ZMYND11: variants seen among roughly 807,000 people sequenced by gnomAD.
The protein encoded by ZMYND11 is zinc finger MYND-type containing 11, also known as zinc finger MYND domain-containing protein 11.
In ZMYND11, 9 loss-of-function variants were observed where a neutral mutation model predicts 84.9. That is an observed-to-expected ratio of 0.11 (90% confidence interval 0.06 to 0.18). The LOEUF (loss-of-function observed/expected upper bound fraction) is 0.18. ZMYND11 is among the 10% of genes least tolerant of loss of function. The pLI, the probability that ZMYND11 is intolerant of heterozygous loss-of-function variation, is 1.00. For synonymous variants in ZMYND11, 250 were observed against 244.1 expected (o/e 1.02, Z -0.23); for missense variants, 409 against 761.0 (o/e 0.54, Z 5.44).
intron 2 of ZMYND11, among the ~76,000 whole-genome samples, chr10:190,243 C>T (rs1366463105): frequency 6.6e-6 from 1 of 152,138 alleles, no homozygotes; most frequent in Non-Finnish European, 1.5e-5. Context: ...CTTTGCTAGT[C>T]TCTGTTTCTT....
intron 1 of ZMYND11, among the ~76,000 whole-genome samples, chr10:156,761 T>A (rs1841810658): frequency 6.6e-6 from 1 of 152,208 alleles, no homozygotes; most frequent in Non-Finnish European, 1.5e-5. Flanking sequence ...TCAGGTTGTT[T>A]GGTCTGAGTT....
upstream of ZMYND11, among the ~76,000 whole-genome samples, chr10:131,774 C>T (rs554735837): frequency 2.0e-5 from 3 of 152,138 alleles, no homozygotes; most frequent in African/African-American, 4.8e-5. Flanking sequence ...GTGTACCTCC[C>T]GCCTTGGCCT....
chr10:177,534 C>G (rs1178723166), intron 1 of ZMYND11, among the ~76,000 whole-genome samples: 1 of 152,108 alleles, frequency 6.6e-6, no homozygotes, highest in African/African-American at 2.4e-5. Context: ...TGTGACATCA[C>G]TTTTAGAGTT....
chr10:230,262 C>T (rs1301081905), intron 4 of ZMYND11, among the ~76,000 whole-genome samples: 1 of 151,998 alleles, frequency 6.6e-6, no homozygotes, highest in Non-Finnish European at 1.5e-5. Flanking sequence ...ATCATGAGGT[C>T]AGGAGTTCAA....
rs11348115 is a variant in ZMYND11, at chr10:144,640, CTTTTTTTTTTTTT to C, written c.-20+9092_-20+9104del. The stretch of plus-strand genomic sequence containing the variant: ...TATGGCTGGCTGAGCGTCTGAATTC[CTTTTTTTTTTTTT>C]TTTTTTTTTTAACAAAAACATTAAA... On this transcript the variant is annotated intron_variant, in intron 1 of 14. Coordinates refer to ENST00000381604, the MANE Select transcript of ZMYND11 (RefSeq NM_001370100.5). Among the ~76,000 whole-genome samples the C allele has an allele frequency of 2.7e-3, 298 of 110,038 alleles. 1 individual carries two copies. The highest frequency in any genetic ancestry group is 3.5e-3 in the Non-Finnish European group (193 of 55,486). The allele number at this position is 110,038 out of a possible 152,430, so 72.2% of individuals were successfully genotyped here. A position where few individuals can be genotyped will look rare whatever the true frequency, so the allele number is the denominator to read the frequency against.
rs532795603 is a variant in ZMYND11 at position 236,708 on chromosome 10, T to C, written c.439-130T>C. On this transcript the variant is annotated intron_variant, in intron 4 of 14. Coordinates refer to ENST00000381604, the MANE Select transcript of ZMYND11 (RefSeq NM_001370100.5). ...AAATGTCAAAGATTTCTGTCAGATA[T>C]GTTGGAAAAAGAGCACTTTTAGTAA... is the stretch of plus-strand genomic sequence containing the variant. 1.7e-5 allele frequency: 12 copies of C among 699,650 alleles called. No individual in the cohort carries two copies. In the South Asian group the frequency reaches 1.8e-4, roughly 11 times the overall value. The allele number at this position is 699,650 out of a possible 1,614,324, so 43.3% of individuals were successfully genotyped here.
intron 1 of ZMYND11, among the ~76,000 whole-genome samples, chr10:169,720 C>G (rs527554213): frequency 1.3e-5 from 2 of 152,116 alleles, no homozygotes; most frequent in South Asian, 4.1e-4. Context: ...CATATGACAA[C>G]TAGAAATCTT....
chr10:132,880 C>T (rs1377506203), upstream of ZMYND11, among the ~76,000 whole-genome samples: 3 of 152,096 alleles, frequency 2.0e-5, no homozygotes, highest in Non-Finnish European at 4.4e-5. Context: ...CAGTGGCACC[C>T]GCTTTGAAAC....
At chr10:163,979 C>T (rs896939985) in intron 1 of ZMYND11, among the ~76,000 whole-genome samples, 4 of 152,118 alleles carry the variant, frequency 2.6e-5, no homozygotes, top group Admixed American at 1.3e-4. Context: ...GGTTTCTTGC[C>T]TGAGCCTGAG....
At chr10:199,082 A>G (rs1942471706) in intron 2 of ZMYND11, among the ~76,000 whole-genome samples, 1 of 152,156 alleles carries the variant, frequency 6.6e-6, no homozygotes, top group African/African-American at 2.4e-5. Flanking sequence ...AGCTCTGCCT[A>G]GCTTCTGAGC....
rs374421265 is a variant in ZMYND11, at chr10:227,549, GA to G, written c.438+6202del. On this transcript the variant is annotated intron_variant, in intron 4 of 14. Coordinates refer to ENST00000381604, the MANE Select transcript of ZMYND11 (RefSeq NM_001370100.5). ...ACTTTTTGTTGTTGAGATAGTTAAA[GA>G]AAAAAAAATCATGATGAAGTCTCTC... 1.5e-4 allele frequency among the ~76,000 whole-genome samples: 22 copies of G among 151,092 alleles called. No homozygotes were observed. In the East Asian group the frequency reaches 1.9e-3, roughly 13 times the overall value.
chr10:179,898 T>C, intron 1 of ZMYND11, 96 bp from the exon 2 acceptor site: 1 of 642,316 alleles, frequency 1.6e-6, no homozygotes, highest in Non-Finnish European at 2.6e-6. Flanking sequence ...CTAAGTATAA[T>C]CAATAGTTGA....
intron 4 of ZMYND11, among the ~76,000 whole-genome samples, chr10:235,275 C>T (rs1379605540): frequency 6.6e-6 from 1 of 152,144 alleles, no homozygotes; most frequent in African/African-American, 2.4e-5. Flanking sequence ...TGGCCAAATA[C>T]TGTGCTAATA....
chr10:163,846 T>C (rs1843436213), intron 1 of ZMYND11, among the ~76,000 whole-genome samples: 1 of 152,104 alleles, frequency 6.6e-6, no homozygotes, highest in Admixed American at 6.6e-5. Context: ...CTATTCTGCG[T>C]GAGTTGGATT....
intron 1 of ZMYND11, among the ~76,000 whole-genome samples, chr10:138,425 G>C (rs1459192702): frequency 6.6e-6 from 1 of 152,104 alleles, no homozygotes; most frequent in African/African-American, 2.4e-5. Flanking sequence ...CCCTGTTGGC[G>C]TTTTGAATGG....
At chr10:217,015 T>C (rs1250840217) in intron 3 of ZMYND11, among the ~76,000 whole-genome samples, 3 of 152,230 alleles carry the variant, frequency 2.0e-5, no homozygotes, top group African/African-American at 7.2e-5. Flanking sequence ...TAAAATGCTA[T>C]CTCAAACACA....
upstream of ZMYND11, among the ~76,000 whole-genome samples, chr10:130,471 T>C (rs554735380): frequency 1.2e-3 from 177 of 152,346 alleles, no homozygotes; most frequent in Non-Finnish European, 2.1e-3. Flanking sequence ...ATTACCATTT[T>C]ACAGATAATA....
intron 1 of ZMYND11, among the ~76,000 whole-genome samples, chr10:170,287 A>G (rs528661289): frequency 3.9e-5 from 6 of 152,284 alleles, no homozygotes; most frequent in African/African-American, 1.4e-4. Context: ...AAGGCAAATT[A>G]TTTCAGTTAG....
At chr10:197,872 G>C in intron 2 of ZMYND11, 1 of 556,006 alleles carries the variant, frequency 1.8e-6, no homozygotes, top group Middle Eastern at 2.7e-4. Flanking sequence ...AACTACAAAG[G>C]AAAGTGACTA....
Sources: allele counts gnomAD v4.1 joint callset (sites outside exome capture counted in the v4.1 genomes callset), GRCh38; gene constraint gnomAD v4.1.1; transcripts MANE v1.5; gene names NCBI Gene and HGNC (gene_info 2026-07-23, HGNC 2026-07-21).